CCNY: variants seen among roughly 807,000 people sequenced by gnomAD.
CCNY encodes the protein cyclin-Y.
A neutral mutation model predicts 42.8 loss-of-function variants in CCNY; 19 were observed. The observed-to-expected ratio is 0.44, with a 90% CI of 0.31 to 0.65. The LOEUF (loss-of-function observed/expected upper bound fraction) is 0.65, where lower values mean the gene tolerates loss of function less well. Among genes scored for constraint, CCNY ranks in the 30% least tolerant of loss-of-function variants. CCNY has a pLI of 0.07. For missense variants in CCNY, 370 were observed against 437.3 expected (o/e 0.85, Z 1.37); for synonymous variants, 165 against 162.7 (o/e 1.01, Z -0.11).
At chr10:35,342,231 C>G (rs1462226239) in intron 1 of CCNY, among the ~76,000 whole-genome samples, 1 of 152,130 alleles carries the variant, frequency 6.6e-6, no homozygotes, top group African/African-American at 2.4e-5. Context: ...CTCTTGGCTT[C>G]CTTGAGTCTC....
chr10:35,419,121 A>G (rs535814909), intron 1 of CCNY, among the ~76,000 whole-genome samples: 1 of 152,244 alleles, frequency 6.6e-6, no homozygotes, highest in East Asian at 1.9e-4. Flanking sequence ...GTGGGATATA[A>G]TAGTATTTAT....
At chr10:35,539,013 CT>C (rs1308416121) in intron 7 of CCNY, among the ~76,000 whole-genome samples, 1 of 152,148 alleles carries the variant, frequency 6.6e-6, no homozygotes, top group African/African-American at 2.4e-5. Flanking sequence ...GTCCCAGTGC[CT>C]TTATCCTTTC....
chr10:35,289,763 A>G (rs775623357), intron 3 of CCNY, among the ~76,000 whole-genome samples: 1 of 151,616 alleles, frequency 6.6e-6, no homozygotes, highest in Non-Finnish European at 1.5e-5. Context: ...AGTTCCAGCT[A>G]CTTGGGGATC....
At chr10:35,532,402 G>T (rs1776813583) in intron 7 of CCNY, among the ~76,000 whole-genome samples, 1 of 152,242 alleles carries the variant, frequency 6.6e-6, no homozygotes, top group South Asian at 2.1e-4. Context: ...CCCTGGCCGT[G>T]CTTCCCACAC....
At chr10:35,561,583 G>C (rs1199704860) in intron 8 of CCNY, among the ~76,000 whole-genome samples, 1 of 152,166 alleles carries the variant, frequency 6.6e-6, no homozygotes, top group East Asian at 1.9e-4. Context: ...GTTTCAGCTG[G>C]AAACCTTTTC....
intron 1 of CCNY, among the ~76,000 whole-genome samples, chr10:35,477,263 G>A (rs1389713970): frequency 2.0e-5 from 3 of 152,072 alleles, no homozygotes; most frequent in Non-Finnish European, 2.9e-5. Flanking sequence ...TAGAAAAAGA[G>A]GGAATCCTCC....
chr10:35,420,312 G>A lies in CCNY; in HGVS notation c.155-63092G>A, dbSNP rs79890586. Among the ~76,000 whole-genome samples, 740 of 152,264 alleles carry A rather than the reference G, an allele frequency of 4.9e-3. 6 individuals are homozygous for A. The highest frequency in any genetic ancestry group is 0.01 in the Middle Eastern group (3 of 294). On this transcript the variant is annotated intron_variant, in intron 1 of 9. Transcript: ENST00000374704. ...GATGTTGTTTGCTTTGGTGAGCAGT[G>A]GAGGTGGAGTGGGATCCGACCCCAG...
At chr10:35,344,174 T>C (rs2135125623) in intron 1 of CCNY, among the ~76,000 whole-genome samples, 1 of 152,314 alleles carries the variant, frequency 6.6e-6, no homozygotes, top group African/African-American at 2.4e-5. Flanking sequence ...AGCCTGTCTT[T>C]CCTGAAGAAA....
chr10:35,288,915 A>G (rs1004287702), intron 3 of CCNY, among the ~76,000 whole-genome samples: 2 of 152,166 alleles, frequency 1.3e-5, no homozygotes, highest in Non-Finnish European at 2.9e-5. Flanking sequence ...CTTCAGAATT[A>G]TTTTGGTCAT....
intron 3 of CCNY, among the ~76,000 whole-genome samples, chr10:35,509,650 T>C (rs1444723741): frequency 1.3e-5 from 2 of 152,172 alleles, no homozygotes; most frequent in Admixed American, 6.5e-5. Flanking sequence ...TTTTTTCTTA[T>C]TTTGCTTTTT....
rs79422232 is a variant in CCNY at position 35,290,528 on chromosome 10, T to G, written c.-9+39902T>G. 1.8e-4 allele frequency among the ~76,000 whole-genome samples: 27 copies of G among 152,382 alleles called. No homozygotes were observed. The East Asian group carries it at 3.1e-3, about 17-fold the overall frequency. ...TGCTAAATTTCGTTGATTTATTTTT[T>G]ATTGTTTTTTATAATTTTTTGAAAA... On this transcript the variant is annotated intron_variant, in intron 3 of 11. Coordinates refer to the CCNY transcript ENST00000374706.
At chr10:35,496,364 C>T (rs1840003054) in intron 2 of CCNY, among the ~76,000 whole-genome samples, 5 of 152,378 alleles carry the variant, frequency 3.3e-5, no homozygotes, top group Middle Eastern at 3.4e-3. Flanking sequence ...AGGGGTCCTA[C>T]ACGCGGTCTC....
chr10:35,357,919 T>G (rs1836593191), intron 1 of CCNY, among the ~76,000 whole-genome samples: 1 of 152,132 alleles, frequency 6.6e-6, no homozygotes. Flanking sequence ...AGTTTTAATC[T>G]ATTATTTTTT....
intron 3 of CCNY, among the ~76,000 whole-genome samples, chr10:35,291,010 CT>C (rs60558997): frequency 0.017 from 2,462 of 144,038 alleles, 40 homozygotes; most frequent in African/African-American, 0.047. Flanking sequence ...TGAAATATGA[CT>C]TTTTTTTTTT....
At chr10:35,542,682 T>C (rs1841028630) in intron 7 of CCNY, among the ~76,000 whole-genome samples, 1 of 152,228 alleles carries the variant, frequency 6.6e-6, no homozygotes, top group Non-Finnish European at 1.5e-5. Flanking sequence ...ACCCCTGAAC[T>C]GCAGCCTCCA....
chr10:35,421,036 G>C (rs1402482508), intron 1 of CCNY, among the ~76,000 whole-genome samples: 1 of 152,184 alleles, frequency 6.6e-6, no homozygotes, highest in Non-Finnish European at 1.5e-5. Context: ...CCAGTGGATA[G>C]GCCTGTTTGA....
intron 1 of CCNY, among the ~76,000 whole-genome samples, chr10:35,441,809 A>G (rs1838675841): frequency 6.6e-6 from 1 of 152,314 alleles, no homozygotes; most frequent in South Asian, 2.1e-4. Context: ...ATGCTGGTGT[A>G]TCTTATTTTA....
chr10:35,330,786 G>A (rs554343110), intron 3 of CCNY, among the ~76,000 whole-genome samples: 2 of 148,980 alleles, frequency 1.3e-5, no homozygotes, highest in African/African-American at 5.0e-5. Context: ...ATGGAGGCTC[G>A]CTCCTGTCGT....
At chr10:35,410,815 G>GT (rs1837887245) in intron 1 of CCNY, among the ~76,000 whole-genome samples, 1 of 152,210 alleles carries the variant, frequency 6.6e-6, no homozygotes, top group African/African-American at 2.4e-5. Context: ...TTTTGAGACA[G>GT]TAAGTCTGGA....
Sources: allele counts gnomAD v4.1 joint callset (sites outside exome capture counted in the v4.1 genomes callset), GRCh38; gene constraint gnomAD v4.1.1; transcripts MANE v1.5; gene names NCBI Gene and HGNC (gene_info 2026-07-23, HGNC 2026-07-21).